Variants in SPTBN2 observed in about 807,000 individuals in gnomAD.
SPTBN2 encodes spectrin beta, non-erythrocytic 2.
In SPTBN2, 107 loss-of-function variants were observed where a neutral mutation model predicts 284.2. The ratio of observed to expected loss-of-function variants is 0.38; its 90% CI spans 0.32 to 0.44. The LOEUF (loss-of-function observed/expected upper bound fraction) is 0.44. SPTBN2 is among the 20% of genes least tolerant of loss of function. The pLI is 1.00. For missense variants in SPTBN2, 2,569 were observed against 3,287.1 expected (o/e 0.78, Z 5.34); for synonymous variants, 1,289 against 1,354.8 (o/e 0.95, Z 1.07).
chr11:66,705,263 T>TCGG lies in SPTBN2; in HGVS notation c.2010_2012dup (p.Arg671dup). The TCGG allele has an allele frequency of 6.3e-7, 1 of 1,583,796 alleles. No individual in the cohort carries two copies. ...GCAGGCGGAGGGCACCGGTCAGGTCTCGGCCCGTGTCGGCTGAGGCCAGGA... is the reference window on the plus strand; with the variant it reads ...GCAGGCGGAGGGCACCGGTCAGGTCTCGGCGGCCCGTGTCGGCTGAGGCCAGGA... On this transcript the variant is annotated inframe_insertion, in exon 15 of 38. Coordinates refer to ENST00000533211, the MANE Select transcript of SPTBN2 (RefSeq NM_006946.4).
Position 66,701,602 on chromosome 11 carries a change from T to C in SPTBN2, c.2798A>G (p.Gln933Arg). The change falls in exon 16 of 38, where the codon CAG (glutamine) becomes CGG (arginine). Residue 933 changes from glutamine (Q) to arginine (R), a missense_variant. Gln to Arg is a conservative substitution (Grantham distance 43, BLOSUM62 1). Coordinates refer to ENST00000533211, the MANE Select transcript of SPTBN2 (RefSeq NM_006946.4). ...AACCCACCTGTGGTTGAGCTGCTCC[T>C]GGGTGTTGACAATGCGGTCTTTGCC... ...PPGKDRIVNT[Q>R]EQLNHRWQQF... 1.2e-6 allele frequency: 2 copies of C among 1,614,170 alleles called. No homozygotes were observed. The highest frequency in any genetic ancestry group is 1.7e-6 in the Non-Finnish European group (2 of 1,180,040).
chr11:66,699,895 T>C (rs1941144569), intron 17 of SPTBN2, among the ~76,000 whole-genome samples: 1 of 152,260 alleles, frequency 6.6e-6, no homozygotes, highest in Non-Finnish European at 1.5e-5. Flanking sequence ...GCTTTCTATT[T>C]CTTCTAAAGT....
intron 20 of SPTBN2, among the ~76,000 whole-genome samples, chr11:66,696,822 C>T (rs1386813070): frequency 6.6e-6 from 1 of 152,210 alleles, no homozygotes; most frequent in East Asian, 1.9e-4. Flanking sequence ...TCCTTGGTGC[C>T]TGTGGTTTCT....
intron 1 of SPTBN2, among the ~76,000 whole-genome samples, chr11:66,742,890 G>A (rs182350703): frequency 2.7e-4 from 41 of 152,326 alleles, no homozygotes; most frequent in African/African-American, 9.9e-4. Context: ...GATTACAGGC[G>A]TGAGCCACTG....
intron 8 of SPTBN2, among the ~76,000 whole-genome samples, 196 bp from the exon 9 acceptor site, chr11:66,711,225 CAAG>C (rs1277418985): frequency 2.0e-5 from 3 of 152,096 alleles, no homozygotes; most frequent in Non-Finnish European, 2.9e-5. Context: ...CTCCTGGAAA[CAAG>C]AAGGGCCCTC....
At chr11:66,720,105 C>A (rs1486421752) in intron 3 of SPTBN2, among the ~76,000 whole-genome samples, 1 of 152,198 alleles carries the variant, frequency 6.6e-6, no homozygotes, top group African/African-American at 2.4e-5. Flanking sequence ...GGCTTGGAAA[C>A]CTGTATTTGT....
Position 66,713,841 on chromosome 11 carries a change from C to T in SPTBN2, c.657-95G>A, listed in dbSNP as rs867031317. On this transcript the variant is annotated intron_variant, in intron 7 of 37. Coordinates refer to ENST00000533211, the MANE Select transcript of SPTBN2 (RefSeq NM_006946.4). ...CCAATCTTTATCCCTAAGTCACCGA[C>T]CCAATTTTGTCCAGAAGTAGGCATC... The T allele has an allele frequency of 6.1e-6, 7 of 1,142,150 alleles. No homozygotes were observed. In the South Asian group the frequency reaches 6.2e-5, roughly 10 times the overall value. The allele number at this position is 1,142,150 out of a possible 1,614,324, so 70.8% of individuals were successfully genotyped here.
chr11:66,728,405 C>T (rs1313588383), intron 1 of SPTBN2: 1 of 149,322 alleles, frequency 6.7e-6, no homozygotes, highest in East Asian at 2.0e-4. Flanking sequence ...GGAAGGAGGA[C>T]AATAGCCTCC....
chr11:66,725,722 A>AC (rs1295252525), intron 1 of SPTBN2, among the ~76,000 whole-genome samples: 5 of 152,010 alleles, frequency 3.3e-5, no homozygotes, highest in African/African-American at 4.8e-5. Context: ...AAGAATGCCA[A>AC]CCCCCGCCGG....
intron 1 of SPTBN2, among the ~76,000 whole-genome samples, chr11:66,737,936 CG>C (rs1307853367): frequency 5.9e-5 from 9 of 152,164 alleles, no homozygotes; most frequent in Admixed American, 1.3e-4. Context: ...TAATTTAGGC[CG>C]GGTACGGTGG....
intron 20 of SPTBN2, 24 bp from the exon 21 acceptor site, chr11:66,696,564 C>A: frequency 6.2e-7 from 1 of 1,608,558 alleles, no homozygotes; most frequent in South Asian, 1.1e-5. Context: ...CAGAAAATGT[C>A]AAAGTGCCCA....
rs1319996054 is a variant in SPTBN2 at position 66,707,931 on chromosome 11, T to C, written c.1351-113A>G. 3 of 1,443,944 alleles carry C rather than the reference T, an allele frequency of 2.1e-6. No individual in the cohort carries two copies. Among genetic ancestry groups the C allele is most frequent in the Admixed American group, 3.8e-5 (2 of 52,180 alleles). 89.4% of individuals were successfully genotyped at this position (1,443,944 alleles called of 1,614,324 possible). A position where few individuals can be genotyped will look rare whatever the true frequency, so the allele number is the denominator to read the frequency against. ...AGATCCCAGCTCCATGCGGTGGCTC[T>C]AAGTTCCCTCTCTATCCCACCCCCA... On this transcript the variant is annotated intron_variant, in intron 12 of 37. Coordinates refer to ENST00000533211, the MANE Select transcript of SPTBN2 (RefSeq NM_006946.4). The surrounding 1 kb of genome is among the most constrained non-coding windows in gnomAD (Gnocchi z 4.9).
rs1053171705 is a variant in SPTBN2, at chr11:66,715,662, C to T, written c.309+168G>A. Among the ~76,000 whole-genome samples, 2 of 152,226 alleles carry T rather than the reference C, an allele frequency of 1.3e-5. No individual in the cohort carries two copies. Among genetic ancestry groups the T allele is most frequent in the African/African-American group, 4.8e-5 (2 of 41,470 alleles). ...TTCCTGTCTCCATGAAGCAATGCTCCTATGTAATCTAAGTGGCAAAGGCAC... is the reference window on the plus strand; with the variant it reads ...TTCCTGTCTCCATGAAGCAATGCTCTTATGTAATCTAAGTGGCAAAGGCAC... On this transcript the variant is annotated intron_variant, in intron 4 of 37. Coordinates refer to ENST00000533211, the MANE Select transcript of SPTBN2 (RefSeq NM_006946.4). The surrounding 1 kb of genome is among the most constrained non-coding windows in gnomAD (Gnocchi z 5.3).
intron 15 of SPTBN2, among the ~76,000 whole-genome samples, chr11:66,703,686 G>A (rs12807677): frequency 9.2e-5 from 14 of 151,824 alleles, no homozygotes; most frequent in Non-Finnish European, 2.1e-4. Context: ...GCAGTGAGCC[G>A]AGATCGCACC....
rs186751260 is a variant in SPTBN2, at chr11:66,718,287, A to C, written c.158-2306T>G. 2.0e-5 allele frequency among the ~76,000 whole-genome samples: 3 copies of C among 152,288 alleles called. No homozygotes were observed. Among genetic ancestry groups the C allele is most frequent in the African/African-American group, 7.2e-5 (3 of 41,566 alleles). On this transcript the variant is annotated intron_variant, in intron 3 of 37. Transcript: ENST00000533211. The surrounding 1 kb of genome is among the most constrained non-coding windows in gnomAD (Gnocchi z 4.8). Reference sequence around the variant, plus strand: ...ATCTGTGTATTTTCCGGCCTCTTGTAATTATCCCCTCTAAGCTGCATCACG... The same window carrying C: ...ATCTGTGTATTTTCCGGCCTCTTGTCATTATCCCCTCTAAGCTGCATCACG...
At chr11:66,725,848 G>C (rs961691027) in intron 1 of SPTBN2, among the ~76,000 whole-genome samples, 1 of 152,172 alleles carries the variant, frequency 6.6e-6, no homozygotes, top group Non-Finnish European at 1.5e-5. Flanking sequence ...TGTTAAGCTA[G>C]AAATCCTATA....
At chr11:66,727,453 T>A (rs1196334926) in intron 1 of SPTBN2, among the ~76,000 whole-genome samples, 1 of 151,716 alleles carries the variant, frequency 6.6e-6, no homozygotes, top group African/African-American at 2.4e-5. Flanking sequence ...TCCAAGCGAG[T>A]GGAAGGTAAA....
chr11:66,722,925 T>TA (rs1193907376), intron 1 of SPTBN2, among the ~76,000 whole-genome samples: 1 of 150,680 alleles, frequency 6.6e-6, no homozygotes, highest in Non-Finnish European at 1.5e-5. Flanking sequence ...GACATTAAGT[T>TA]ACTGGTTCAA....
At chr11:66,694,495 C>T in intron 21 of SPTBN2, 132 bp from the exon 22 acceptor site, 4 of 908,016 alleles carry the variant, frequency 4.4e-6, no homozygotes, top group Non-Finnish European at 6.6e-6. Flanking sequence ...AGAGCATCCC[C>T]TCATGGGCTG....
Sources: allele counts gnomAD v4.1 joint callset (sites outside exome capture counted in the v4.1 genomes callset), GRCh38; gene constraint gnomAD v4.1.1; non-coding constraint Gnocchi (gnomAD v3.1); transcripts MANE v1.5; gene names NCBI Gene and HGNC (gene_info 2026-07-23, HGNC 2026-07-21).